Variants in CAMTA2 observed in about 807,000 individuals in gnomAD.
The protein encoded by CAMTA2 is calmodulin binding transcription activator 2.
Under a neutral mutation model 135.7 loss-of-function variants are expected in CAMTA2, and 56 were observed. The ratio of observed to expected loss-of-function variants is 0.41; its 90% confidence interval spans 0.33 to 0.52. The LOEUF is 0.52. Among genes scored for constraint, CAMTA2 ranks in the 20% least tolerant of loss-of-function variants. The probability of loss-of-function intolerance (pLI) is 0.16; values close to 1 mark genes in which losing one functional copy is unlikely to be tolerated. For missense variants in CAMTA2, 1,358 were observed against 1,553.4 expected, an observed-to-expected ratio of 0.87 and a Z score of 2.11; for synonymous variants, 591 against 604.6, an observed-to-expected ratio of 0.98 and a Z score of 0.33.
chr17:4,981,356 T>C lies in CAMTA2; in HGVS notation c.569A>G (p.His190Arg). ...ATTCCCGCAGCTCCACTTGATGCCA[T>C]GAACTAGAGAAGTTAGGGGGAAGTG... ...ELLGQLKPMF[H>R]GIKWSCGNGT... is the part of the protein sequence containing the mutation. Residue 190 changes from histidine (H) to arginine (R), a missense_variant, in exon 8 of 23, where the codon CAT becomes CGT. Transcript: ENST00000348066. 6.2e-7 allele frequency: 1 copy of C among 1,614,022 alleles called. No individual in the cohort carries two copies. Among genetic ancestry groups the C allele is most frequent in the Non-Finnish European group, 8.5e-7 (1 of 1,179,908 alleles).
At chr17:4,971,303 C>T (rs557230361) in intron 16 of CAMTA2, among the ~76,000 whole-genome samples, 1 of 152,338 alleles carries the variant, frequency 6.6e-6, no homozygotes, top group Non-Finnish European at 1.5e-5. Flanking sequence ...CTTGTCCCTA[C>T]ATAGATCAAC....
rs753300111 is a variant in CAMTA2 at position 4,986,240 on chromosome 17, G to A, written c.-18C>T. ...GTATTCATGGTGAGGGCTCCAGGGGGCAAGGTCACCCCCGGCCTGAGGGGC... is the reference window on the plus strand; with the variant it reads ...GTATTCATGGTGAGGGCTCCAGGGGACAAGGTCACCCCCGGCCTGAGGGGC... On this transcript the variant is annotated 5_prime_UTR_variant, in exon 2 of 23. Coordinates refer to ENST00000348066, the MANE Select transcript of CAMTA2 (RefSeq NM_015099.4). 7 of 1,606,438 alleles carry A rather than the reference G, an allele frequency of 4.4e-6. No individual in the cohort carries two copies. The South Asian group carries it at 7.7e-5, about 18-fold the overall frequency.
rs1249005875 is a variant in CAMTA2, at chr17:4,968,332, GA to G, written c.*423del. ...ACGCAAACATGCGGAGTCGGGTGGG[GA>G]CACGGTCAGCCCTGAAACACGAGGG... is the stretch of plus-strand genomic sequence containing the variant. On this transcript the variant is annotated 3_prime_UTR_variant, in exon 23 of 23. Coordinates refer to ENST00000348066, the MANE Select transcript of CAMTA2 (RefSeq NM_015099.4). The G allele has an allele frequency of 3.5e-6, 1 of 282,012 alleles. No individual in the cohort carries two copies. Among genetic ancestry groups the G allele is most frequent in the East Asian group, 8.1e-5 (1 of 12,280 alleles). 17.5% of individuals were successfully genotyped at this position (282,012 alleles called of 1,614,324 possible).
chr17:4,985,027 C>A (rs7405492), intron 3 of CAMTA2, among the ~76,000 whole-genome samples: 100,635 of 145,010 alleles, frequency 0.69, 35,419 homozygotes, highest in Admixed American at 0.77. Flanking sequence ...AAAAAAAAAA[C>A]AAACAAAAAT....
In CAMTA2 at chr17:4,974,436, G is replaced by A. The variant is rs750177858; in HGVS notation, c.1965C>T (p.Ile655=). ...GGCAAGGCACCTGCCCAGCTGCTGC[G>A]ATCTCTGCCATCCGCTTCTCCATCT... is the stretch of plus-strand genomic sequence containing the variant. ...LEQMEKRMAE[I]AAAGQVPCQG... The change falls in exon 12 of 23, where the codon ATC becomes ATT. Residue 655 remains isoleucine (I), a synonymous_variant. Transcript: ENST00000348066. 4.4e-5 allele frequency: 71 copies of A among 1,613,802 alleles called. 2 individuals are homozygous for A. The highest frequency in any genetic ancestry group is 4.0e-5 in the African/African-American group (3 of 74,862).
rs150322913 is a variant in CAMTA2, at chr17:4,973,180, G to A, written c.2275C>T (p.Pro759Ser). 24 of 1,613,152 alleles carry A rather than the reference G, an allele frequency of 1.5e-5. No homozygotes were observed. Among genetic ancestry groups the A allele is most frequent in the Non-Finnish European group, 2.0e-5 (23 of 1,179,398 alleles). ...PLNVDHFSCT[P>S]LMWACALGHL... ...CAGGAATCCGTCATCCTCACCAGAG[G>A]GGTGCAAGAGAAATGATCCACGTTG... The change falls in exon 14 of 23, where the codon CCT becomes TCT. Residue 759 changes from proline (P) to serine (S), a missense_variant. Pro to Ser is a moderately conservative substitution (Grantham distance 74, BLOSUM62 -1). Transcript: ENST00000348066.
chr17:4,982,551 C>T (rs1034069788), intron 5 of CAMTA2, among the ~76,000 whole-genome samples: 10 of 152,192 alleles, frequency 6.6e-5, no homozygotes, highest in African/African-American at 2.4e-4. Flanking sequence ...GCATGGCCTA[C>T]GGCCTGGATA....
At chr17:4,981,164 G>T (rs960745929) in intron 8 of CAMTA2, 61 bp downstream of exon 8, 38 of 1,576,664 alleles carry the variant, frequency 2.4e-5, no homozygotes, top group Non-Finnish European at 2.9e-5. Context: ...TATCCCCCTG[G>T]CTTGCGTAAG....
intron 14 of CAMTA2, 24 bp downstream of exon 14, chr17:4,973,151 C>T (rs17633650): frequency 0.11 from 173,382 of 1,601,056 alleles, 10,389 homozygotes; most frequent in Non-Finnish European, 0.12. Flanking sequence ...GCCCCATATG[C>T]GCTCAGGAAT....
At position 4,978,115 on chromosome 17, in the gene CAMTA2, C is replaced by T. The variant is rs529287369; in HGVS notation, c.1765+389G>A. Among the ~76,000 whole-genome samples the T allele has an allele frequency of 2.6e-5, 4 of 152,306 alleles. No homozygotes were observed. The East Asian group carries it at 7.7e-4, about 29-fold the overall frequency. On this transcript the variant is annotated intron_variant, in intron 10 of 22. Coordinates refer to ENST00000348066, the MANE Select transcript of CAMTA2 (RefSeq NM_015099.4). Reference sequence around the variant, plus strand: ...GTCCCAAGACTGGTTAGAGGAAACCCACATTTCTTCTTTCTCATTCCCCCT... The same window carrying T: ...GTCCCAAGACTGGTTAGAGGAAACCTACATTTCTTCTTTCTCATTCCCCCT...
chr17:4,970,155 A>G (rs756494271), intron 17 of CAMTA2, 70 bp from the exon 18 acceptor site: 74 of 1,481,212 alleles, frequency 5.0e-5, no homozygotes, highest in Non-Finnish European at 6.9e-5. Flanking sequence ...ATGGATGGCT[A>G]CGAAGGAAAA....
rs566382896 is a variant in CAMTA2, at chr17:4,972,431, G to A, written c.2609C>T (p.Pro870Leu). The A allele has an allele frequency of 3.7e-6, 6 of 1,614,018 alleles. No individual in the cohort carries two copies. The East Asian group carries it at 8.9e-5, about 24-fold the overall frequency. ...PDGSPPPAPL[P>L]ASEMTMEDMA... Reference sequence around the variant, plus strand: ...GTCCTCCATAGTCATCTCAGAGGCTGGCAGAGGTGCAGGGGGGGGACTGCC... The same window carrying A: ...GTCCTCCATAGTCATCTCAGAGGCTAGCAGAGGTGCAGGGGGGGGACTGCC... Residue 870 changes from proline (P) to leucine (L), a missense_variant, in exon 16 of 23, where the codon CCA becomes CTA. Coordinates refer to ENST00000348066, the MANE Select transcript of CAMTA2 (RefSeq NM_015099.4).
rs965310553 is a variant in CAMTA2 at position 4,973,613 on chromosome 17, G to A, written c.2173C>T (p.Arg725Cys). 13 of 1,613,340 alleles carry A rather than the reference G, an allele frequency of 8.1e-6. No homozygotes were observed. The highest frequency in any genetic ancestry group is 5.3e-5 in the African/African-American group (4 of 74,938). Reference protein sequence around the residue: ...LHLAAAQGYARLIETLSQWRS... With the variant: ...LHLAAAQGYACLIETLSQWRS... ...CACTGGCTCAGGGTCTCGATGAGGC[G>A]GGCATAGCCCTGGGCAGCAGCCAGG... Residue 725 changes from arginine to cysteine, a missense_variant, in exon 13 of 23, where the codon CGC (arginine) becomes TGC (cysteine). Physicochemically the swap from Arg to Cys is radical, Grantham distance 180. Transcript: ENST00000348066.
rs187432118 is a variant in CAMTA2 at position 4,981,784 on chromosome 17, C to G, written c.459G>C (p.Glu153Asp). Residue 153 changes from glutamate (E) to aspartate (D), a missense_variant, in exon 7 of 23, where the codon GAG becomes GAC. By Grantham distance (45) the Glu-to-Asp change is conservative. Coordinates refer to ENST00000348066, the MANE Select transcript of CAMTA2 (RefSeq NM_015099.4). The stretch of plus-strand genomic sequence containing the variant: ...TGGGGCTGCAGCCCTTTCCACAGTC[C>G]TCCAGGGCTGGGACGTTCAGGTAGT... ...LVHYLNVPALEDCGKGCSPIF... is the reference protein window; with the variant it reads ...LVHYLNVPALDDCGKGCSPIF... The G allele has an allele frequency of 6.2e-7, 1 of 1,613,224 alleles. No individual in the cohort carries two copies. Among genetic ancestry groups the G allele is most frequent in the South Asian group, 1.1e-5 (1 of 91,004 alleles).
rs1207102910 is a variant in CAMTA2, at chr17:4,972,497, C to T, written c.2543G>A (p.Gly848Asp). ...SVSSPSELSD[G>D]TFSVTSAYSS... Reference sequence around the variant, plus strand: ...ATAGGCTGACGTGACGGAAAAGGTGCCATCCGACAGCTCCGAGGGCGAGGA... The same window carrying T: ...ATAGGCTGACGTGACGGAAAAGGTGTCATCCGACAGCTCCGAGGGCGAGGA... The change falls in exon 16 of 23, where the codon GGC becomes GAC. Residue 848 changes from glycine (G) to aspartate (D), a missense_variant. By Grantham distance (94) the Gly-to-Asp change is moderately conservative. Around this residue, in one of 4 missense-constraint regions of CAMTA2, gnomAD observed 1,077 missense variants for 1,127.5 expected, o/e 0.96. Transcript: ENST00000348066. 43 of 1,611,064 alleles carry T rather than the reference C, an allele frequency of 2.7e-5. No individual in the cohort carries two copies. Among genetic ancestry groups the T allele is most frequent in the Non-Finnish European group, 3.6e-5 (42 of 1,178,888 alleles).
Position 4,980,729 on chromosome 17 carries a change from G to A in CAMTA2, c.701-108C>T. ...TCCTGGGACGTCCCTATAAACCAGA[G>A]GTGTAATACTGATTGTAGCCACTGG... On this transcript the variant is annotated intron_variant, in intron 8 of 22. Coordinates refer to ENST00000348066, the MANE Select transcript of CAMTA2 (RefSeq NM_015099.4). This position sits in a 1 kb window ranked among gnomAD's most constrained non-coding sequence, Gnocchi z 5.3. 1.2e-6 allele frequency: 1 copy of A among 815,638 alleles called. No individual in the cohort carries two copies. Among genetic ancestry groups the A allele is most frequent in the Non-Finnish European group, 2.0e-6 (1 of 490,240 alleles). 50.5% of individuals were successfully genotyped at this position (815,638 alleles called of 1,614,324 possible).
intron 1 of CAMTA2, chr17:4,986,683 A>AGG (rs964507328): frequency 1.1e-5 from 6 of 539,680 alleles, no homozygotes; most frequent in Non-Finnish European, 2.0e-5. Flanking sequence ...TCCTGGGGGC[A>AGG]GGGCAGGAGA....
chr17:4,970,174 A>G, intron 17 of CAMTA2, 89 bp from the exon 18 acceptor site: 5 of 1,448,438 alleles, frequency 3.5e-6, no homozygotes, highest in Non-Finnish European at 4.8e-6. Context: ...AACCACCAGC[A>G]ACTGAGTCTG....
At position 4,981,721 on chromosome 17, in the gene CAMTA2, C is replaced by T. The variant is rs1972970361; in HGVS notation, c.522G>A (p.Leu174=). 5 of 1,613,004 alleles carry T rather than the reference C, an allele frequency of 3.1e-6. No homozygotes were observed. Among genetic ancestry groups the T allele is most frequent in the Non-Finnish European group, 3.4e-6 (4 of 1,179,486 alleles). The change falls in exon 7 of 23, where the codon CTG becomes CTA. Residue 174 remains leucine, a synonymous_variant. Transcript: ENST00000348066. ...CCAACAACTCCTCCCGGGACCACTTCAGCCACTCTCGACGGTCGCTGCTGA... is the reference window on the plus strand; with the variant it reads ...CCAACAACTCCTCCCGGGACCACTTTAGCCACTCTCGACGGTCGCTGCTGA... ...CSISSDRREW[L]KWSREELLGQ...
Sources: allele counts gnomAD v4.1 joint callset (sites outside exome capture counted in the v4.1 genomes callset), GRCh38; gene constraint gnomAD v4.1.1; regional missense constraint gnomAD v4.1.1; non-coding constraint Gnocchi (gnomAD v3.1); transcripts MANE v1.5; gene names NCBI Gene and HGNC (gene_info 2026-07-23, HGNC 2026-07-21).